Variants in VWC2 observed in about 807,000 individuals in gnomAD.
The protein encoded by VWC2 is von Willebrand factor C domain containing 2.
A neutral mutation model predicts 29.8 loss-of-function variants in VWC2; 14 were observed. The ratio of observed to expected loss-of-function variants is 0.47; its 90% CI spans 0.31 to 0.74. The LOEUF (loss-of-function observed/expected upper bound fraction) is 0.74, where lower values mean the gene tolerates loss of function less well. Among genes scored for constraint, VWC2 ranks in the 30% least tolerant of loss-of-function variants. The pLI, the probability that VWC2 is intolerant of heterozygous loss-of-function variation, is 0.05. For synonymous variants in VWC2, 213 were observed against 199.0 expected (o/e 1.07, Z -0.59); for missense variants, 457 against 459.8 (o/e 0.99, Z 0.05).
At chr7:49,885,111 G>C (rs1317989024) in intron 3 of VWC2, among the ~76,000 whole-genome samples, 2 of 151,850 alleles carry the variant, frequency 1.3e-5, no homozygotes, top group African/African-American at 4.8e-5. Context: ...TTATAATCTG[G>C]GTTCACTAAA....
chr7:49,872,264 G>A (rs1583720723), intron 3 of VWC2, among the ~76,000 whole-genome samples: 1 of 152,098 alleles, frequency 6.6e-6, no homozygotes, highest in East Asian at 1.9e-4. Context: ...CTGTTGAAGA[G>A]ACAGTGACTG....
chr7:49,783,920 AAAAAG>A, intron 2 of VWC2, among the ~76,000 whole-genome samples: 1 of 152,120 alleles, frequency 6.6e-6, no homozygotes, highest in South Asian at 2.1e-4. Flanking sequence ...AATAAAGAAA[AAAAAG>A]AAAAGAAATT....
intron 3 of VWC2, among the ~76,000 whole-genome samples, chr7:49,810,888 TGTGA>T (rs1024185971): frequency 1.3e-5 from 2 of 152,172 alleles, no homozygotes; most frequent in Non-Finnish European, 2.9e-5. Context: ...TAGACCTAAA[TGTGA>T]GTGTTTAAAC....
rs375417945 is a variant in VWC2, at chr7:49,912,145, G to A, written c.938G>A (p.Arg313Gln). The A allele has an allele frequency of 1.8e-5, 29 of 1,613,868 alleles. No individual in the cohort carries two copies. Among genetic ancestry groups the A allele is most frequent in the African/African-American group, 1.1e-4 (8 of 74,880 alleles). ...GAGGAAGGCACATGGAGAATCGAGC[G>A]GCAGGCCATGTGCACGAGACATGAA... ...TYEEGTWRIE[R>Q]QAMCTRHECR... is the part of the protein sequence containing the mutation. Residue 313 changes from arginine to glutamine, a missense_variant, in exon 4 of 4, where the codon CGG (arginine) becomes CAG (glutamine). Coordinates refer to ENST00000340652, the MANE Select transcript of VWC2 (RefSeq NM_198570.5).
intron 2 of VWC2, among the ~76,000 whole-genome samples, chr7:49,798,959 A>T (rs1788665726): frequency 6.6e-6 from 1 of 152,222 alleles, no homozygotes; most frequent in Admixed American, 6.5e-5. Context: ...TGGATCCATG[A>T]CAGGTAGGAG....
chr7:49,781,770 G>A (rs1341739226), intron 2 of VWC2, among the ~76,000 whole-genome samples: 1 of 152,132 alleles, frequency 6.6e-6, no homozygotes, highest in African/African-American at 2.4e-5. Flanking sequence ...GATCCACTTG[G>A]CTAAGCATTT....
At chr7:49,910,316 AATTT>A (rs1793341066) in intron 3 of VWC2, among the ~76,000 whole-genome samples, 1 of 152,186 alleles carries the variant, frequency 6.6e-6, no homozygotes, top group Non-Finnish European at 1.5e-5. Context: ...TTGCTGGATT[AATTT>A]ATTTTTTAAA....
chr7:49,912,126 G>C lies in VWC2; in HGVS notation c.919G>C (p.Gly307Arg). 1 of 1,614,092 alleles carries C rather than the reference G, an allele frequency of 6.2e-7. No homozygotes were observed. Among genetic ancestry groups the C allele is most frequent in the Admixed American group, 1.7e-5 (1 of 60,006 alleles). ...CTICHCTYEE[G>R]TWRIERQAMC... ...CATATGCCACTGTACTTATGAGGAA[G>C]GCACATGGAGAATCGAGCGGCAGGC... The change falls in exon 4 of 4, where the codon GGC becomes CGC. Residue 307 changes from glycine to arginine, a missense_variant. By Grantham distance (125) the Gly-to-Arg change is moderately radical (BLOSUM62 -2). This residue lies in a region of VWC2 where 185 missense variants were observed against 257.1 expected (regional missense o/e 0.72). Transcript: ENST00000340652.
Position 49,781,705 on chromosome 7 carries a change from G to A in VWC2, c.696+5574G>A, listed in dbSNP as rs187384703. ...GAACATTTCAGGTACCCGGAAAAAG[G>A]AAAAGTTATACAAGCCCAGAGTGCC... On this transcript the variant is annotated intron_variant, in intron 2 of 3. Coordinates refer to ENST00000340652, the MANE Select transcript of VWC2 (RefSeq NM_198570.5). 2.2e-4 allele frequency among the ~76,000 whole-genome samples: 34 copies of A among 152,238 alleles called. 1 individual carries two copies. The highest frequency in any genetic ancestry group is 4.6e-4 in the Admixed American group (7 of 15,296).
At chr7:49,898,695 A>G (rs1279203655) in intron 3 of VWC2, among the ~76,000 whole-genome samples, 3 of 152,140 alleles carry the variant, frequency 2.0e-5, no homozygotes, top group Non-Finnish European at 4.4e-5. Flanking sequence ...CAGCAGTAGG[A>G]CAATGGATAA....
chr7:49,847,235 TATATA>T (rs370170654), intron 3 of VWC2, among the ~76,000 whole-genome samples: 1,856 of 147,736 alleles, frequency 0.013, 40 homozygotes, highest in African/African-American at 0.043. Flanking sequence ...TAATATAATA[TATATA>T]ATATAATATA....
At chr7:49,848,243 T>A (rs1020223885) in intron 3 of VWC2, among the ~76,000 whole-genome samples, 3 of 152,182 alleles carry the variant, frequency 2.0e-5, no homozygotes, top group African/African-American at 7.2e-5. Flanking sequence ...CAGTCTGTGG[T>A]GCAGCACTAG....
intron 2 of VWC2, among the ~76,000 whole-genome samples, chr7:49,788,858 G>C (rs1033697778): frequency 3.4e-5 from 5 of 146,318 alleles, no homozygotes; most frequent in African/African-American, 1.2e-4. Context: ...GCATGTGTGT[G>C]AGCGTGTGTG....
At position 49,921,096 on chromosome 7, in the gene VWC2, C is replaced by T. The variant is rs1322899991; in HGVS notation, c.*8911C>T. The T allele has an allele frequency of 6.6e-6, 1 of 152,196 alleles. No homozygotes were observed. Among genetic ancestry groups the T allele is most frequent in the East Asian group, 1.9e-4 (1 of 5,200 alleles). 9.4% of individuals were successfully genotyped at this position (152,196 alleles called of 1,614,324 possible). On this transcript the variant is annotated 3_prime_UTR_variant, in exon 4 of 4. Transcript: ENST00000340652. ...TAATAAATCATCAGTCACCACCTTT[C>T]CTGCATATCTGACAGATGGAGAACA...
At chr7:49,784,023 C>A (rs1014824083) in intron 2 of VWC2, among the ~76,000 whole-genome samples, 1 of 152,156 alleles carries the variant, frequency 6.6e-6, no homozygotes, top group African/African-American at 2.4e-5. Flanking sequence ...CCTTCCTTTC[C>A]TGGGAATATG....
chr7:49,780,813 T>A (rs183995962), intron 2 of VWC2, among the ~76,000 whole-genome samples: 40 of 152,324 alleles, frequency 2.6e-4, no homozygotes, highest in Admixed American at 5.2e-4. Flanking sequence ...GTGAAATGAT[T>A]TGGGACCACT....
At chr7:49,873,749 A>G (rs1791278366) in intron 3 of VWC2, among the ~76,000 whole-genome samples, 1 of 152,228 alleles carries the variant, frequency 6.6e-6, no homozygotes, top group Admixed American at 6.5e-5. Context: ...TTGTTAAATC[A>G]TTGTTATTAA....
intron 3 of VWC2, among the ~76,000 whole-genome samples, chr7:49,834,895 G>C (rs1308331204): frequency 6.6e-6 from 1 of 152,158 alleles, no homozygotes; most frequent in African/African-American, 2.4e-5. Flanking sequence ...AACTGTGTGT[G>C]GTGGTGGTGG....
intron 3 of VWC2, among the ~76,000 whole-genome samples, chr7:49,905,981 A>C (rs564728140): frequency 6.6e-6 from 1 of 152,296 alleles, no homozygotes; most frequent in African/African-American, 2.4e-5. Context: ...AAAGGGGAGG[A>C]ACCCTCAGTT....
Sources: allele counts gnomAD v4.1 joint callset (sites outside exome capture counted in the v4.1 genomes callset), GRCh38; gene constraint gnomAD v4.1.1; regional missense constraint gnomAD v4.1.1; transcripts MANE v1.5; gene names NCBI Gene and HGNC (gene_info 2026-07-23, HGNC 2026-07-21).